Variants in ARMCX2 observed in about 807,000 individuals in gnomAD.
ARMCX2 encodes the protein armadillo repeat containing X-linked 2.
In ARMCX2, 2 loss-of-function variants were observed where a neutral mutation model predicts 17.0. The observed-to-expected ratio is 0.12, with a 90% CI of 0.05 to 0.37. The LOEUF is 0.37. ARMCX2 is among the 10% of genes least tolerant of loss of function. The probability of loss-of-function intolerance (pLI) is 1.00; values close to 1 mark genes in which losing one functional copy is unlikely to be tolerated. For synonymous variants in ARMCX2, 182 were observed against 195.2 expected, an observed-to-expected ratio of 0.93 and a Z score of 0.57; for missense variants, 408 against 497.7, an observed-to-expected ratio of 0.82 and a Z score of 1.72.
In ARMCX2 at chrX:101,656,796, T is replaced by A; in HGVS notation, c.793A>T (p.Thr265Ser). 1.7e-6 allele frequency: 2 copies of A among 1,211,550 alleles called. No homozygotes were observed. Among genetic ancestry groups the A allele is most frequent in the Admixed American group, 2.2e-5 (1 of 46,042 alleles). Residue 265 changes from threonine to serine, a missense_variant, in exon 6 of 6, where the codon ACT (threonine) becomes TCT (serine). This residue lies in a region of ARMCX2 where 307 missense variants were observed against 326.8 expected (regional missense o/e 0.94). Transcript: ENST00000356824. ...GATGTGGCTTTCGGTATAGCCCCAG[T>A]GTGAGCCCCAGGGGTTGCTTTCTTG... ...AAKKATPGAHTGAIPKATSAT... is the reference protein window; with the variant it reads ...AAKKATPGAHSGAIPKATSAT...
At position 101,656,755 on chromosome X, in the gene ARMCX2, T is replaced by C. The variant is rs1936286555; in HGVS notation, c.834A>G (p.Val278=). Residue 278 remains valine, a synonymous_variant, in exon 6 of 6, where the codon GTA becomes GTG. Coordinates refer to ENST00000356824, the MANE Select transcript of ARMCX2 (RefSeq NM_177949.4). The part of the protein sequence containing the change: ...IPKATSATGA[V]PKGGGKGVTR... Reference sequence around the variant, plus strand: ...TTACACCCTTGCCTCCACCTTTGGGTACCGCTCCAGTCGCTGATGTGGCTT... The same window carrying C: ...TTACACCCTTGCCTCCACCTTTGGGCACCGCTCCAGTCGCTGATGTGGCTT... 1 of 1,209,376 alleles carries C rather than the reference T, an allele frequency of 8.3e-7. No individual in the cohort carries two copies. Among genetic ancestry groups the C allele is most frequent in the Admixed American group, 2.2e-5 (1 of 45,755 alleles).
Position 101,655,990 on chromosome X carries a change from C to A in ARMCX2, c.1599G>T (p.Ser533=). 1 of 1,211,256 alleles carries A rather than the reference C, an allele frequency of 8.3e-7. No homozygotes were observed. The highest frequency in any genetic ancestry group is 1.1e-6 in the Non-Finnish European group (1 of 895,386). Residue 533 remains serine, a synonymous_variant, in exon 6 of 6, where the codon TCG becomes TCT. Coordinates refer to ENST00000356824, the MANE Select transcript of ARMCX2 (RefSeq NM_177949.4). ...ACATATCTGGATTTTCAGCAAAATT[C>A]GAAAGGATTTTCAAAATCTCAACCT... is the stretch of plus-strand genomic sequence containing the variant. ...KIKVEILKIL[S]NFAENPDMLK... is the part of the protein sequence containing the mutation.
At position 101,657,655 on chromosome X, in the gene ARMCX2, G is replaced by C. The variant is rs1723564955; in HGVS notation, c.-67C>G. 5 of 1,054,490 alleles carry C rather than the reference G, an allele frequency of 4.7e-6. No individual in the cohort carries two copies. In the African/African-American group the frequency reaches 9.3e-5, roughly 20 times the overall value. 86.9% of individuals were successfully genotyped at this position (1,054,490 alleles called of 1,213,427 possible). A position where few individuals can be genotyped will look rare whatever the true frequency, so the allele number is the denominator to read the frequency against. On this transcript the variant is annotated 5_prime_UTR_variant, in exon 6 of 6. Transcript: ENST00000356824. ...GATTGCTTAAGGTTAAGGGATGCCTGCTCGTCCGGGTGAGGCTCTTCAGTT... is the reference window on the plus strand; with the variant it reads ...GATTGCTTAAGGTTAAGGGATGCCTCCTCGTCCGGGTGAGGCTCTTCAGTT...
rs782061377 is a variant in ARMCX2 at position 101,656,896 on chromosome X, T to TGCTGCAGCCCCAGTAGGC, written c.675_692dup (p.Ala231_Ala236dup). 3 of 1,207,778 alleles carry TGCTGCAGCCCCAGTAGGC rather than the reference T, an allele frequency of 2.5e-6. No individual in the cohort carries two copies. The highest frequency in any genetic ancestry group is 2.2e-5 in the Admixed American group (1 of 45,720). On this transcript the variant is annotated inframe_insertion, in exon 6 of 6. Coordinates refer to ENST00000356824, the MANE Select transcript of ARMCX2 (RefSeq NM_177949.4). ...CAGGAGACTCTGCAGCCCCAGTAGG[T>TGCTGCAGCCCCAGTAGGC]GCTGCAGCCCCAGTAGGCGTTGCCG...
In ARMCX2 at chrX:101,656,901, C is replaced by T; in HGVS notation, c.688G>A (p.Ala230Thr). 8.3e-7 allele frequency: 1 copy of T among 1,208,820 alleles called. No individual in the cohort carries two copies. Among genetic ancestry groups the T allele is most frequent in the East Asian group, 3.0e-5 (1 of 33,670 alleles). ...APVPATPTGA[A>T]APTGAAESPG... ...GACTCTGCAGCCCCAGTAGGTGCTG[C>T]AGCCCCAGTAGGCGTTGCCGGCACA... The change falls in exon 6 of 6, where the codon GCA becomes ACA. Residue 230 changes from alanine (A) to threonine (T), a missense_variant. By Grantham distance (58) the Ala-to-Thr change is moderately conservative. Transcript: ENST00000356824.
In ARMCX2 at chrX:101,655,915, A is replaced by G. The variant is rs782382207; in HGVS notation, c.1674T>C (p.Tyr558=). The part of the protein sequence containing the change: ...TQVPASFSSL[Y]NSYVESEILI... ...GGATTTCTGATTCCACGTAAGAATT[A>G]TAGAGGGAACTAAATGATGCTGGCA... Residue 558 remains tyrosine (Y), a synonymous_variant, in exon 6 of 6, where the codon TAT becomes TAC. Coordinates refer to ENST00000356824, the MANE Select transcript of ARMCX2 (RefSeq NM_177949.4). The G allele has an allele frequency of 1.7e-6, 2 of 1,210,230 alleles. No homozygotes were observed. The highest frequency in any genetic ancestry group is 2.2e-5 in the Admixed American group (1 of 46,123).
Position 101,656,015 on chromosome X carries a change from T to C in ARMCX2, c.1574A>G (p.Lys525Arg). Residue 525 changes from lysine to arginine, a missense_variant, in exon 6 of 6, where the codon AAG (lysine) becomes AGG (arginine). This residue lies in a region of ARMCX2 where 101 missense variants were observed against 170.9 expected (regional missense o/e 0.59). Coordinates refer to ENST00000356824, the MANE Select transcript of ARMCX2 (RefSeq NM_177949.4). ...CGAAAGGATTTTCAAAATCTCAACC[T>C]TGATTTTTCCACCTCCCTGAGATAG... ...RLLSQGGGKI[K>R]VEILKILSNF... 8.3e-7 allele frequency: 1 copy of C among 1,211,277 alleles called. No homozygotes were observed. Among genetic ancestry groups the C allele is most frequent in the Admixed American group, 2.2e-5 (1 of 46,003 alleles).
chrX:101,657,410 C>G lies in ARMCX2; in HGVS notation c.179G>C (p.Gly60Ala). 8.2e-7 allele frequency: 1 copy of G among 1,212,265 alleles called. No individual in the cohort carries two copies. The change falls in exon 6 of 6, where the codon GGA becomes GCA. Residue 60 changes from glycine (G) to alanine (A), a missense_variant. By Grantham distance (60) the Gly-to-Ala change is moderately conservative (BLOSUM62 0). Coordinates refer to ENST00000356824, the MANE Select transcript of ARMCX2 (RefSeq NM_177949.4). ...GARARAGLRA[G>A]FTIDLGSGFS... Reference sequence around the variant, plus strand: ...TCCTGACCCAAGGTCGATTGTGAATCCGGCTCTTAGCCCAGCTCTAGCCCT... The same window carrying G: ...TCCTGACCCAAGGTCGATTGTGAATGCGGCTCTTAGCCCAGCTCTAGCCCT...
Position 101,656,826 on chromosome X carries a change from C to G in ARMCX2, c.763G>C (p.Ala255Pro). 10 of 1,211,580 alleles carry G rather than the reference C, an allele frequency of 8.3e-6. No homozygotes were observed. The highest frequency in any genetic ancestry group is 1.1e-5 in the Non-Finnish European group (10 of 895,448). The change falls in exon 6 of 6, where the codon GCT (alanine) becomes CCT (proline). Residue 255 changes from alanine to proline, a missense_variant. By Grantham distance (27) the Ala-to-Pro change is conservative. Transcript: ENST00000356824. ...GCCCCAGGGGTTGCTTTCTTGGCAG[C>G]TGATGTTCCAGGAACCACCGCTGTT... Reference protein sequence around the residue: ...PRTAVVPGTSAAKKATPGAHT... With the variant: ...PRTAVVPGTSPAKKATPGAHT...
At position 101,655,864 on chromosome X, in the gene ARMCX2, C is replaced by T; in HGVS notation, c.1725G>A (p.Glu575=). 8.3e-7 allele frequency: 1 copy of T among 1,209,170 alleles called. No homozygotes were observed. Among genetic ancestry groups the T allele is most frequent in the South Asian group, 1.8e-5 (1 of 56,569 alleles). The change falls in exon 6 of 6, where the codon GAG becomes GAA. Residue 575 remains glutamate, a synonymous_variant. Transcript: ENST00000356824. ...CTGCTCTGAGATTGTCATAGATAAT[C>T]TCAAATAGAGTAAGGGCATTAATAA... The part of the protein sequence containing the change: ...EILINALTLF[E]IIYDNLRAEV...
Position 101,656,090 on chromosome X carries a change from T to G in ARMCX2, c.1499A>C (p.Asn500Thr). ...ATTGACAAGCAGGTGTTGGTAGTCA[T>G]TAGTAATAGTCATGTTTGTTAGAAA... ...LKFLTNMTITNDYQHLLVNSI... is the reference protein window; with the variant it reads ...LKFLTNMTITTDYQHLLVNSI... Residue 500 changes from asparagine to threonine, a missense_variant, in exon 6 of 6, where the codon AAT becomes ACT. Around this residue, in one of 2 missense-constraint regions of ARMCX2, gnomAD observed 101 missense variants for 170.9 expected, o/e 0.59. Transcript: ENST00000356824. 1 of 1,211,121 alleles carries G rather than the reference T, an allele frequency of 8.3e-7. No homozygotes were observed. The highest frequency in any genetic ancestry group is 1.1e-6 in the Non-Finnish European group (1 of 895,000).
At position 101,656,861 on chromosome X, in the gene ARMCX2, C is replaced by T; in HGVS notation, c.728G>A (p.Gly243Asp). 1 of 1,211,200 alleles carries T rather than the reference C, an allele frequency of 8.3e-7. No individual in the cohort carries two copies. The highest frequency in any genetic ancestry group is 1.1e-6 in the Non-Finnish European group (1 of 895,204). Reference sequence around the variant, plus strand: ...AGGAACCACCGCTGTTCTAGGGGAACCAGAAGTTCCAGGAGACTCTGCAGC... The same window carrying T: ...AGGAACCACCGCTGTTCTAGGGGAATCAGAAGTTCCAGGAGACTCTGCAGC... ...TGAAESPGTS[G>D]SPRTAVVPGT... Residue 243 changes from glycine (G) to aspartate (D), a missense_variant, in exon 6 of 6, where the codon GGT (glycine) becomes GAT (aspartate). Gly to Asp is a moderately conservative substitution (Grantham distance 94). Coordinates refer to ENST00000356824, the MANE Select transcript of ARMCX2 (RefSeq NM_177949.4).
In ARMCX2 at chrX:101,655,681, C is replaced by A. The variant is rs1556047245; in HGVS notation, c.*9G>T. ...AATTTCTTCAAGTCTTTTGACGGTA[C>A]ATAACCAATCAGAATTTGTTCACTA... is the stretch of plus-strand genomic sequence containing the variant. On this transcript the variant is annotated 3_prime_UTR_variant, in exon 6 of 6. Coordinates refer to ENST00000356824, the MANE Select transcript of ARMCX2 (RefSeq NM_177949.4). 4 of 1,116,873 alleles carry A rather than the reference C, an allele frequency of 3.6e-6. No homozygotes were observed. Among genetic ancestry groups the A allele is most frequent in the Non-Finnish European group, 3.6e-6 (3 of 843,718 alleles). 92.0% of individuals were successfully genotyped at this position (1,116,873 alleles called of 1,213,427 possible).
rs1556066863 is a variant in ARMCX2 at position 101,657,277 on chromosome X, G to A, written c.312C>T (p.Ser104=). The A allele has an allele frequency of 1.7e-6, 2 of 1,208,128 alleles. No individual in the cohort carries two copies. The highest frequency in any genetic ancestry group is 2.2e-5 in the Admixed American group (1 of 45,981). ...TGCCTGCCCCACTCTGAGCCTCAGCGCTGGATGCAGCTGGGGCCACTGCCT... is the reference window on the plus strand; with the variant it reads ...TGCCTGCCCCACTCTGAGCCTCAGCACTGGATGCAGCTGGGGCCACTGCCT... ...GAEAVAPAAS[S]AEAQSGAGSQ... Residue 104 remains serine, a synonymous_variant, in exon 6 of 6, where the codon AGC becomes AGT. Transcript: ENST00000356824.
rs1936239334 is a variant in ARMCX2, at chrX:101,655,990, C to T, written c.1599G>A (p.Ser533=). Reference sequence around the variant, plus strand: ...ACATATCTGGATTTTCAGCAAAATTCGAAAGGATTTTCAAAATCTCAACCT... The same window carrying T: ...ACATATCTGGATTTTCAGCAAAATTTGAAAGGATTTTCAAAATCTCAACCT... The part of the protein sequence containing the change: ...KIKVEILKIL[S]NFAENPDMLK... The change falls in exon 6 of 6, where the codon TCG becomes TCA. Residue 533 remains serine (S), a synonymous_variant. Coordinates refer to ENST00000356824, the MANE Select transcript of ARMCX2 (RefSeq NM_177949.4). The T allele has an allele frequency of 5.0e-6, 6 of 1,209,653 alleles. 1 individual carries two copies. The South Asian group carries it at 7.1e-5, about 14-fold the overall frequency.
chrX:101,656,063 G>A lies in ARMCX2; in HGVS notation c.1526C>T (p.Ser509Phe), dbSNP rs1936242616. 8.3e-7 allele frequency: 1 copy of A among 1,208,573 alleles called. No individual in the cohort carries two copies. Among genetic ancestry groups the A allele is most frequent in the Admixed American group, 2.2e-5 (1 of 45,756 alleles). Residue 509 changes from serine (S) to phenylalanine (F), a missense_variant, in exon 6 of 6, where the codon TCC becomes TTC. Transcript: ENST00000356824. ...TAGCAAACGGAAAAAGTTTGCAATG[G>A]AATTGACAAGCAGGTGTTGGTAGTC... ...TNDYQHLLVN[S>F]IANFFRLLSQ...
At chrX:101,659,546 G>T in intron 1 of ARMCX2, 45 bp from the exon 2 acceptor site, 1 of 110,925 alleles carries the variant, frequency 9.0e-6, no homozygotes, top group South Asian at 3.9e-4. Flanking sequence ...TGGAAAGGAA[G>T]TAAGCGGATT....
In ARMCX2 at chrX:101,656,694, T is replaced by TCTTGCC. The variant is rs782009713; in HGVS notation, c.889_894dup (p.Gly297_Lys298dup). Reference sequence around the variant, plus strand: ...AGTTCGTCTACTTCAACTTTGCTTTTCTTGCCCTTGCCCTTGCCCCCATTC... The same window carrying TCTTGCC: ...AGTTCGTCTACTTCAACTTTGCTTTTCTTGCCCTTGCCCTTGCCCTTGCCCCCATTC... On this transcript the variant is annotated inframe_insertion, in exon 6 of 6. Coordinates refer to ENST00000356824, the MANE Select transcript of ARMCX2 (RefSeq NM_177949.4). The TCTTGCC allele has an allele frequency of 1.5e-5, 18 of 1,211,316 alleles. No homozygotes were observed. The highest frequency in any genetic ancestry group is 1.1e-4 in the South Asian group (6 of 56,932).
Position 101,656,810 on chromosome X carries a change from G to C in ARMCX2, c.779C>G (p.Thr260Ser). The C allele has an allele frequency of 8.3e-7, 1 of 1,211,711 alleles. No individual in the cohort carries two copies. Among genetic ancestry groups the C allele is most frequent in the Non-Finnish European group, 1.1e-6 (1 of 895,482 alleles). Residue 260 changes from threonine (T) to serine (S), a missense_variant, in exon 6 of 6, where the codon ACC (threonine) becomes AGC (serine). This residue lies in a region of ARMCX2 where 307 missense variants were observed against 326.8 expected (regional missense o/e 0.94). Transcript: ENST00000356824. ...TATAGCCCCAGTGTGAGCCCCAGGG[G>C]TTGCTTTCTTGGCAGCTGATGTTCC... ...VPGTSAAKKA[T>S]PGAHTGAIPK...
Sources: allele counts gnomAD v4.1 joint callset, GRCh38; gene constraint gnomAD v4.1.1; regional missense constraint gnomAD v4.1.1; transcripts MANE v1.5; gene names NCBI Gene and HGNC (gene_info 2026-07-23, HGNC 2026-07-21).